TFAP2D: variants seen among roughly 807,000 people sequenced by gnomAD.
The protein encoded by TFAP2D is transcription factor AP-2-delta.
TFAP2D carries 9 observed loss-of-function variants against 43.6 expected under a neutral mutation model. The ratio of observed to expected loss-of-function variants is 0.21; its 90% CI spans 0.12 to 0.36. The LOEUF (loss-of-function observed/expected upper bound fraction) is 0.36. Ranked by LOEUF, TFAP2D falls within the 10% of genes least tolerant of loss-of-function variation. TFAP2D has a pLI of 1.00. For missense variants in TFAP2D, 513 were observed against 561.4 expected (o/e 0.91, Z 0.87); for synonymous variants, 256 against 224.9 (o/e 1.14, Z -1.24).
chr6:50,719,714 A>G (rs1768688927), intron 3 of TFAP2D, among the ~76,000 whole-genome samples: 1 of 152,156 alleles, frequency 6.6e-6, no homozygotes, highest in Non-Finnish European at 1.5e-5. Flanking sequence ...TATTTTTCTA[A>G]GTGTCCAGGA....
chr6:50,736,247 T>C (rs1015863762), intron 5 of TFAP2D, among the ~76,000 whole-genome samples: 1 of 152,150 alleles, frequency 6.6e-6, no homozygotes, highest in African/African-American at 2.4e-5. Context: ...ATAGCTCTAG[T>C]TGATGTTCAC....
chr6:50,767,108 C>G (rs1240124192), intron 7 of TFAP2D, among the ~76,000 whole-genome samples: 1 of 152,178 alleles, frequency 6.6e-6, no homozygotes, highest in Non-Finnish European at 1.5e-5. Flanking sequence ...TTTCTAAAAT[C>G]ATATCATCTG....
chr6:50,734,041 A>G (rs2114041626), intron 5 of TFAP2D, among the ~76,000 whole-genome samples: 1 of 150,866 alleles, frequency 6.6e-6, no homozygotes, highest in African/African-American at 2.4e-5. Context: ...GGGACAATGG[A>G]GGGTATAAAT....
Position 50,729,292 on chromosome 6 carries a change from T to A in TFAP2D, c.863T>A (p.Leu288His). 1 of 1,613,830 alleles carries A rather than the reference T, an allele frequency of 6.2e-7. No homozygotes were observed. The highest frequency in any genetic ancestry group is 1.1e-5 in the South Asian group (1 of 91,072). Residue 288 changes from leucine to histidine, a missense_variant, in exon 5 of 8, where the codon CTC (leucine) becomes CAC (histidine). Leu to His is a moderately conservative substitution (Grantham distance 99, BLOSUM62 -3). Coordinates refer to ENST00000008391, the MANE Select transcript of TFAP2D (RefSeq NM_172238.4). Reference sequence around the variant, plus strand: ...AGACGGAAAGCAGCTAATGTCACCCTCCTTACTTCCTTGGTTGAAGGTATG... The same window carrying A: ...AGACGGAAAGCAGCTAATGTCACCCACCTTACTTCCTTGGTTGAAGGTATG... ...AGRRKAANVT[L>H]LTSLVEGEAL...
At chr6:50,748,979 A>G (rs1437835510) in intron 6 of TFAP2D, among the ~76,000 whole-genome samples, 1 of 151,824 alleles carries the variant, frequency 6.6e-6, no homozygotes. Flanking sequence ...TTGAGATGTA[A>G]GATTGTTTCT....
chr6:50,733,334 C>T (rs1235024240), intron 5 of TFAP2D, among the ~76,000 whole-genome samples: 3 of 152,028 alleles, frequency 2.0e-5, no homozygotes, highest in African/African-American at 4.8e-5. Context: ...TCCTTGTATG[C>T]TGTTTTATTA....
intron 5 of TFAP2D, among the ~76,000 whole-genome samples, chr6:50,742,356 G>A (rs974992225): frequency 1.3e-5 from 2 of 152,028 alleles, no homozygotes; most frequent in African/African-American, 2.4e-5. Context: ...AATAGCAGCT[G>A]TCCCACTCAA....
intron 1 of TFAP2D, 46 bp downstream of exon 1, chr6:50,714,140 T>TGGCGGC (rs777438881): frequency 1.3e-6 from 2 of 1,558,970 alleles, no homozygotes; most frequent in Non-Finnish European, 1.7e-6. Flanking sequence ...CGCGTGTGTG[T>TGGCGGC]GGCGGCGGCG....
intron 5 of TFAP2D, among the ~76,000 whole-genome samples, chr6:50,739,586 T>C (rs1273465001): frequency 6.6e-6 from 1 of 152,172 alleles, no homozygotes; most frequent in Non-Finnish European, 1.5e-5. Flanking sequence ...TCAAGTATAG[T>C]CTATTTTATT....
intron 7 of TFAP2D, among the ~76,000 whole-genome samples, chr6:50,763,667 C>G (rs187960557): frequency 6.6e-6 from 1 of 152,144 alleles, no homozygotes; most frequent in Admixed American, 6.5e-5. Flanking sequence ...GGAATACTTA[C>G]CAGCAATAAA....
intron 2 of TFAP2D, chr6:50,718,095 G>C (rs1310036383): frequency 6.6e-6 from 1 of 151,410 alleles, no homozygotes; most frequent in Non-Finnish European, 1.5e-5. Context: ...TCCCATCACC[G>C]CTTTAATTTA....
At chr6:50,728,172 T>C (rs1171501205) in intron 3 of TFAP2D, among the ~76,000 whole-genome samples, 1 of 152,214 alleles carries the variant, frequency 6.6e-6, no homozygotes, top group Non-Finnish European at 1.5e-5. Flanking sequence ...ATGACAATTA[T>C]AAAAACAATA....
Position 50,753,191 on chromosome 6 carries a change from AT to A in TFAP2D, c.1139+1871del, listed in dbSNP as rs577366494. ...ATTTAAAGAAGTGTGTTAAATGACA[AT>A]TTTACTCTGAGAAGGAGCATACTAT... On this transcript the variant is annotated intron_variant, in intron 7 of 7. Coordinates refer to ENST00000008391, the MANE Select transcript of TFAP2D (RefSeq NM_172238.4). Among the ~76,000 whole-genome samples, 22 of 152,004 alleles carry A rather than the reference AT, an allele frequency of 1.4e-4. No individual in the cohort carries two copies. The South Asian group carries it at 2.9e-3, about 20-fold the overall frequency.
intron 3 of TFAP2D, among the ~76,000 whole-genome samples, chr6:50,726,310 A>G (rs1768806808): frequency 6.6e-6 from 1 of 152,208 alleles, no homozygotes; most frequent in Non-Finnish European, 1.5e-5. Flanking sequence ...TCCACTGAAG[A>G]TTAGTAAAGA....
At chr6:50,715,906 G>C (rs76300509) in intron 2 of TFAP2D, among the ~76,000 whole-genome samples, 6,259 of 152,170 alleles carry the variant, frequency 0.041, 159 homozygotes, top group Middle Eastern at 0.12. Context: ...TCTTTGGTTT[G>C]TCCTCACAGA....
intron 7 of TFAP2D, among the ~76,000 whole-genome samples, chr6:50,764,911 G>C (rs1479760568): frequency 1.3e-5 from 2 of 151,846 alleles, no homozygotes; most frequent in Non-Finnish European, 2.9e-5. Context: ...TTACATTTTG[G>C]GTGTGTGTGG....
chr6:50,757,076 A>G (rs1296386663), intron 7 of TFAP2D, among the ~76,000 whole-genome samples: 1 of 151,780 alleles, frequency 6.6e-6, no homozygotes, highest in South Asian at 2.1e-4. Context: ...TGTCCAAAAG[A>G]TGAGAAAACT....
At chr6:50,739,058 G>T (rs972197521) in intron 5 of TFAP2D, among the ~76,000 whole-genome samples, 1 of 152,150 alleles carries the variant, frequency 6.6e-6, no homozygotes, top group Non-Finnish European at 1.5e-5. Flanking sequence ...GAGATTAATT[G>T]ATACGGGGTG....
intron 3 of TFAP2D, among the ~76,000 whole-genome samples, chr6:50,724,206 G>T (rs528200600): frequency 1.0e-3 from 152 of 152,110 alleles, no homozygotes; most frequent in Non-Finnish European, 1.4e-3. Context: ...ACTCACAGGC[G>T]CACCTCGCAG....
Sources: allele counts gnomAD v4.1 joint callset (sites outside exome capture counted in the v4.1 genomes callset), GRCh38; gene constraint gnomAD v4.1.1; transcripts MANE v1.5; gene names NCBI Gene and HGNC (gene_info 2026-07-23, HGNC 2026-07-21).